SNX3: variants seen among roughly 807,000 people sequenced by gnomAD.
SNX3 encodes sorting nexin-3.
Under a neutral mutation model 17.7 loss-of-function variants are expected in SNX3, and 5 were observed. That is an observed-to-expected ratio of 0.28 (90% confidence interval 0.15 to 0.59). The LOEUF (loss-of-function observed/expected upper bound fraction) is 0.59, where lower values mean the gene tolerates loss of function less well. Ranked by LOEUF, SNX3 falls within the 20% of genes least tolerant of loss-of-function variation. The pLI is 0.88. For synonymous variants in SNX3, 91 were observed against 76.5 expected, an observed-to-expected ratio of 1.19 and a Z score of -0.99; for missense variants, 132 against 206.8, an observed-to-expected ratio of 0.64 and a Z score of 2.22.
At chr6:108,212,957 G>C (rs972186705) in intron 3 of SNX3, among the ~76,000 whole-genome samples, 2 of 134,998 alleles carry the variant, frequency 1.5e-5, no homozygotes, top group Non-Finnish European at 3.1e-5. Flanking sequence ...GTGTGATCTT[G>C]GCTCACTGCA....
intron 1 of SNX3, among the ~76,000 whole-genome samples, chr6:108,232,751 G>C (rs1223833582): frequency 6.6e-6 from 1 of 152,136 alleles, no homozygotes; most frequent in Non-Finnish European, 1.5e-5. Flanking sequence ...TTAAACAGCT[G>C]CATTTCTCCA....
intron 1 of SNX3, among the ~76,000 whole-genome samples, chr6:108,246,737 T>C (rs1466932745): frequency 6.6e-6 from 1 of 152,082 alleles, no homozygotes; most frequent in Non-Finnish European, 1.5e-5. Context: ...GAGATAGAGT[T>C]TGCTGTGTTG....
intron 2 of SNX3, among the ~76,000 whole-genome samples, chr6:108,215,801 G>A (rs1774550565): frequency 6.6e-6 from 1 of 152,096 alleles, no homozygotes; most frequent in South Asian, 2.1e-4. Context: ...GTGTGGTGGT[G>A]TGAGCCTGTA....
intron 1 of SNX3, among the ~76,000 whole-genome samples, chr6:108,255,226 C>T (rs1775995235): frequency 6.6e-6 from 1 of 152,276 alleles, no homozygotes; most frequent in East Asian, 1.9e-4. Flanking sequence ...TGATGGAGAT[C>T]CTGGAAAAGT....
intron 1 of SNX3, among the ~76,000 whole-genome samples, chr6:108,251,810 C>A (rs1379130704): frequency 6.6e-6 from 1 of 152,066 alleles, no homozygotes; most frequent in Non-Finnish European, 1.5e-5. Flanking sequence ...GTGGCTCATG[C>A]CTGTATTTTG....
intron 1 of SNX3, among the ~76,000 whole-genome samples, chr6:108,228,299 A>C (rs142269271): frequency 0.026 from 3,946 of 152,270 alleles, 121 homozygotes; most frequent in South Asian, 0.088. Flanking sequence ...CTGTAATCCC[A>C]GCACTTTGGG....
At chr6:108,243,778 C>A (rs948664895) in intron 1 of SNX3, among the ~76,000 whole-genome samples, 5 of 151,966 alleles carry the variant, frequency 3.3e-5, no homozygotes, top group Admixed American at 6.6e-5. Flanking sequence ...ACTGCAAATA[C>A]AAAAACCAGC....
chr6:108,232,708 G>A (rs1343134138), intron 1 of SNX3, among the ~76,000 whole-genome samples: 1 of 152,168 alleles, frequency 6.6e-6, no homozygotes, highest in Non-Finnish European at 1.5e-5. Context: ...CCAATCCTAA[G>A]AGATGTAAAT....
At chr6:108,255,491 T>G (rs955527357) in intron 1 of SNX3, among the ~76,000 whole-genome samples, 2 of 151,988 alleles carry the variant, frequency 1.3e-5, no homozygotes, top group African/African-American at 4.8e-5. Flanking sequence ...TAGCTGGGAC[T>G]ACAGGCACAC....
chr6:108,254,705 T>C (rs1775980910), intron 1 of SNX3, among the ~76,000 whole-genome samples: 1 of 152,126 alleles, frequency 6.6e-6, no homozygotes, highest in Non-Finnish European at 1.5e-5. Flanking sequence ...CAAACAAATT[T>C]ATTCCTAACA....
At chr6:108,227,463 T>G (rs185031024) in intron 1 of SNX3, among the ~76,000 whole-genome samples, 1 of 152,312 alleles carries the variant, frequency 6.6e-6, no homozygotes, top group African/African-American at 2.4e-5. Context: ...CATTTTCCCT[T>G]TTGAACTTTT....
intron 1 of SNX3, among the ~76,000 whole-genome samples, chr6:108,229,932 T>C (rs1471536171): frequency 2.0e-5 from 3 of 151,874 alleles, no homozygotes; most frequent in African/African-American, 7.3e-5. Context: ...ACAGAAAAAA[T>C]AGAACAGAGA....
intron 2 of SNX3, among the ~76,000 whole-genome samples, chr6:108,219,469 A>G (rs555534877): frequency 6.6e-6 from 1 of 152,126 alleles, no homozygotes; most frequent in South Asian, 2.1e-4. Flanking sequence ...TTAGCTGGAC[A>G]TGGTGGCTCA....
At chr6:108,245,931 T>C (rs1775674820) in intron 1 of SNX3, among the ~76,000 whole-genome samples, 1 of 152,228 alleles carries the variant, frequency 6.6e-6, no homozygotes, top group Non-Finnish European at 1.5e-5. Context: ...TTTGCTGTGC[T>C]GAAGCTCTTT....
intron 1 of SNX3, among the ~76,000 whole-genome samples, chr6:108,236,470 G>C (rs1226565611): frequency 6.9e-6 from 1 of 145,886 alleles, no homozygotes; most frequent in African/African-American, 2.5e-5. Flanking sequence ...TGCAAGCTCC[G>C]CCTCCTGGGT....
At chr6:108,250,997 T>C (rs1562440035) in intron 1 of SNX3, among the ~76,000 whole-genome samples, 1 of 152,118 alleles carries the variant, frequency 6.6e-6, no homozygotes, top group South Asian at 2.1e-4. Context: ...TCAAATTATA[T>C]ACTCCATCAT....
chr6:108,244,600 A>C (rs1775624624), intron 1 of SNX3, among the ~76,000 whole-genome samples: 1 of 151,990 alleles, frequency 6.6e-6, no homozygotes, highest in Non-Finnish European at 1.5e-5. Context: ...CAATCTCTGG[A>C]ATAACCACAT....
intron 1 of SNX3, among the ~76,000 whole-genome samples, chr6:108,231,234 C>T (rs1299755862): frequency 2.6e-5 from 4 of 152,018 alleles, no homozygotes; most frequent in Admixed American, 6.6e-5. Flanking sequence ...TACAGGCACG[C>T]GCCACCACGC....
Position 108,221,532 on chromosome 6 carries a change from C to CTTTTTTT in SNX3, c.258+1411_258+1417dup, listed in dbSNP as rs554429322. Among the ~76,000 whole-genome samples the CTTTTTTT allele has an allele frequency of 4.3e-3, 248 of 57,780 alleles. 73 individuals carry two copies. The highest frequency in any genetic ancestry group is 0.045 in the Middle Eastern group (2 of 44). The allele number at this position is 57,780 out of a possible 152,430, so 37.9% of individuals were successfully genotyped here. On this transcript the variant is annotated intron_variant, in intron 2 of 3. Transcript: ENST00000230085. The stretch of plus-strand genomic sequence containing the variant: ...GTATTACAAGGAATACAGTATTACA[C>CTTTTTTT]TTTTTTTTTTTTTTTTTTTTTTTTT...
Sources: allele counts gnomAD v4.1 joint callset (sites outside exome capture counted in the v4.1 genomes callset), GRCh38; gene constraint gnomAD v4.1.1; transcripts MANE v1.5; gene names NCBI Gene and HGNC (gene_info 2026-07-23, HGNC 2026-07-21).